PCSK6: variants seen among roughly 807,000 people sequenced by gnomAD.
PCSK6 encodes the protein paired basic amino acid cleaving enzyme 4.
PCSK6 carries 85 observed loss-of-function variants against 123.3 expected under a neutral mutation model. The observed-to-expected ratio is 0.69, with a 90% CI of 0.58 to 0.83. The LOEUF (loss-of-function observed/expected upper bound fraction) is 0.83, where lower values mean the gene tolerates loss of function less well. Ranked by LOEUF, PCSK6 falls within the 40% of genes least tolerant of loss-of-function variation. PCSK6 has a pLI of 0.00. For synonymous variants in PCSK6, 508 were observed against 516.0 expected (o/e 0.98, Z 0.21); for missense variants, 1,191 against 1,282.3 (o/e 0.93, Z 1.09).
intron 6 of PCSK6, among the ~76,000 whole-genome samples, chr15:101,417,390 C>G (rs2055925874): frequency 6.6e-6 from 1 of 152,128 alleles, no homozygotes; most frequent in Non-Finnish European, 1.5e-5. Context: ...TATTAGGACA[C>G]AAAGATATTC....
Position 101,489,704 on chromosome 15 carries a change from G to C in PCSK6, c.-34C>G. ...CAGGCTCGCGCGGCGCCCGAGCTGC[G>C]AGTGCGCCGGGGGGTGGAGTGCCGC... On this transcript the variant is annotated 5_prime_UTR_variant, in exon 1 of 22. Transcript: ENST00000611716. 5 of 927,322 alleles carry C rather than the reference G, an allele frequency of 5.4e-6. No homozygotes were observed. The highest frequency in any genetic ancestry group is 6.4e-6 in the Non-Finnish European group (5 of 779,848). The allele number at this position is 927,322 out of a possible 1,614,324, so 57.4% of individuals were successfully genotyped here.
chr15:101,472,584 C>T (rs1046939822), intron 1 of PCSK6, among the ~76,000 whole-genome samples: 1 of 152,186 alleles, frequency 6.6e-6, no homozygotes, highest in Non-Finnish European at 1.5e-5. Flanking sequence ...TCAATGGTGG[C>T]GCCTGGTCAC....
rs2042280909 is a variant in PCSK6, at chr15:101,393,081, A to C, written c.1209+131T>G. ...GGCTCAAATTGTTCGCCGATGGGTGAGGCTGGGACCCTGGGATCCGGAACA... is the reference window on the plus strand; with the variant it reads ...GGCTCAAATTGTTCGCCGATGGGTGCGGCTGGGACCCTGGGATCCGGAACA... On this transcript the variant is annotated intron_variant, in intron 8 of 21. Coordinates refer to ENST00000611716, the MANE Select transcript of PCSK6 (RefSeq NM_002570.5). 2.2e-5 allele frequency: 17 copies of C among 788,184 alleles called. No individual in the cohort carries two copies. The East Asian group carries it at 4.5e-4, about 21-fold the overall frequency. 48.8% of individuals were successfully genotyped at this position (788,184 alleles called of 1,614,324 possible).
chr15:101,333,976 G>T (rs912919341), intron 13 of PCSK6, among the ~76,000 whole-genome samples: 1 of 152,240 alleles, frequency 6.6e-6, no homozygotes, highest in Non-Finnish European at 1.5e-5. Context: ...TCCCAAGTCA[G>T]ATTCTGTACT....
At position 101,370,364 on chromosome 15, in the gene PCSK6, C is replaced by T. The variant is rs374612591; in HGVS notation, c.1692G>A (p.Ser564=). Residue 564 remains serine (S), a synonymous_variant, in exon 12 of 22, where the codon TCG becomes TCA. Transcript: ENST00000611716. ...GDLQIYLVSP[S]GTKSQLLAKR... ...TTGCCAGAAGTTGAGACTTGGTTCC[C>T]GAGGGAGAAACCAGGTAGATCTGGA... 3.0e-5 allele frequency: 47 copies of T among 1,551,694 alleles called. No individual in the cohort carries two copies. Among genetic ancestry groups the T allele is most frequent in the African/African-American group, 1.1e-4 (8 of 73,162 alleles).
At chr15:101,441,830 G>A (rs1258138962) in intron 2 of PCSK6, among the ~76,000 whole-genome samples, 1 of 152,210 alleles carries the variant, frequency 6.6e-6, no homozygotes, top group Non-Finnish European at 1.5e-5. Flanking sequence ...TGAAGAATGA[G>A]GATGTTTCTT....
rs201411997 is a variant in PCSK6 at position 101,367,818 on chromosome 15, TTTTG to T, written c.1722-1490_1722-1487del. 4.4e-3 allele frequency among the ~76,000 whole-genome samples: 663 copies of T among 152,160 alleles called. 4 individuals are homozygous for T. Among genetic ancestry groups the T allele is most frequent in the African/African-American group, 0.015 (631 of 41,530 alleles). On this transcript the variant is annotated intron_variant, in intron 12 of 21. Transcript: ENST00000611716. Reference sequence around the variant, plus strand: ...ACAGCTGGAGTAGCCTCAGGGTAGTTTTTGTTTGTTTGTTTTTTGTTTTTGAGAC... The same window carrying T: ...ACAGCTGGAGTAGCCTCAGGGTAGTTTTTGTTTGTTTTTTGTTTTTGAGAC...
chr15:101,382,549 T>C (rs1353728810), intron 10 of PCSK6, among the ~76,000 whole-genome samples: 3 of 152,202 alleles, frequency 2.0e-5, no homozygotes, highest in Non-Finnish European at 4.4e-5. Flanking sequence ...TCAGCATCTA[T>C]GCTCCCTGAA....
intron 15 of PCSK6, among the ~76,000 whole-genome samples, chr15:101,330,583 C>A (rs2141369726): frequency 6.6e-6 from 1 of 152,348 alleles, no homozygotes; most frequent in South Asian, 2.1e-4. Flanking sequence ...ATCCCACTCA[C>A]CCCTGAGACT....
chr15:101,420,888 G>A (rs2056062705), intron 6 of PCSK6, among the ~76,000 whole-genome samples: 1 of 152,196 alleles, frequency 6.6e-6, no homozygotes, highest in Non-Finnish European at 1.5e-5. Flanking sequence ...CCCCAGGGTA[G>A]GTGCTAATGC....
At chr15:101,325,471 C>A (rs191607759) in intron 16 of PCSK6, among the ~76,000 whole-genome samples, 1 of 152,182 alleles carries the variant, frequency 6.6e-6, no homozygotes, top group Admixed American at 6.5e-5. Flanking sequence ...GAGGACGCCA[C>A]GAGAGCCACA....
At chr15:101,404,845 A>C (rs1347322244) in intron 6 of PCSK6, among the ~76,000 whole-genome samples, 2 of 152,174 alleles carry the variant, frequency 1.3e-5, no homozygotes, top group Admixed American at 1.3e-4. Flanking sequence ...TGATGCTCTA[A>C]GTGGTGAAGC....
intron 13 of PCSK6, among the ~76,000 whole-genome samples, chr15:101,346,034 T>C (rs750734816): frequency 4.6e-5 from 7 of 152,348 alleles, no homozygotes; most frequent in Admixed American, 1.3e-4. Context: ...TTGTTAGTAA[T>C]GATCACAATG....
intron 6 of PCSK6, among the ~76,000 whole-genome samples, chr15:101,426,618 C>T (rs2056264202): frequency 6.6e-6 from 1 of 152,204 alleles, no homozygotes; most frequent in Non-Finnish European, 1.5e-5. Context: ...CAGGCAGAGT[C>T]CTAATTAAGT....
intron 8 of PCSK6, among the ~76,000 whole-genome samples, chr15:101,390,455 A>C (rs1293707266): frequency 6.6e-6 from 1 of 152,232 alleles, no homozygotes; most frequent in Non-Finnish European, 1.5e-5. Context: ...ATCCTGGATT[A>C]TCTGAGTAGA....
At chr15:101,403,136 C>T (rs1475345034) in intron 6 of PCSK6, among the ~76,000 whole-genome samples, 9 of 151,474 alleles carry the variant, frequency 5.9e-5, no homozygotes, top group Admixed American at 2.0e-4. Context: ...ATGGATGAAA[C>T]TGGAAATCAT....
intron 12 of PCSK6, among the ~76,000 whole-genome samples, chr15:101,368,871 T>TA (rs1596244251): frequency 2.0e-5 from 3 of 152,096 alleles, no homozygotes; most frequent in Non-Finnish European, 1.5e-5. Context: ...TCTTTAAGGT[T>TA]AAAAAAATAA....
intron 7 of PCSK6, among the ~76,000 whole-genome samples, chr15:101,395,915 T>A (rs968400025): frequency 2.0e-5 from 3 of 152,136 alleles, no homozygotes; most frequent in African/African-American, 7.2e-5. Flanking sequence ...GTTAAACAGA[T>A]CTTTGTGCCA....
chr15:101,446,630 G>A (rs899760394), intron 1 of PCSK6, among the ~76,000 whole-genome samples: 1 of 152,162 alleles, frequency 6.6e-6, no homozygotes. Context: ...GAGCCCACGA[G>A]GATCAAAGAG....
Sources: allele counts gnomAD v4.1 joint callset (sites outside exome capture counted in the v4.1 genomes callset), GRCh38; gene constraint gnomAD v4.1.1; transcripts MANE v1.5; gene names NCBI Gene and HGNC (gene_info 2026-07-23, HGNC 2026-07-21).